Variants in FLG observed in about 807,000 individuals in gnomAD.
FLG encodes the protein epidermal filaggrin.
FLG carries 6 observed loss-of-function variants against 3.8 expected under a neutral mutation model. The observed-to-expected ratio is 1.60, with a 90% CI of 0.87 to 3.15. FLG has a LOEUF of 3.15. Ranked by LOEUF, FLG falls within the 30% of genes most tolerant of loss-of-function variation. The probability of loss-of-function intolerance (pLI) is 0.00; values close to 1 mark genes in which losing one functional copy is unlikely to be tolerated. For missense variants in FLG, 7,595 were observed against 5,050.9 expected (o/e 1.50, Z -15.27); for synonymous variants, 2,551 against 1,931.6 (o/e 1.32, Z -8.41).
Position 152,302,503 on chromosome 1 carries a change from A to G in FLG, c.*197T>C. On this transcript the variant is annotated 3_prime_UTR_variant, in exon 3 of 3. Coordinates refer to ENST00000368799, the MANE Select transcript of FLG (RefSeq NM_002016.2). ...CCATGATATTGATTTCTTCCATTTA[A>G]TATTTCTGAAATATAGCGTTTAAAG... 2 of 684,014 alleles carry G rather than the reference A, an allele frequency of 2.9e-6. No homozygotes were observed. Among genetic ancestry groups the G allele is most frequent in the Non-Finnish European group, 2.4e-6 (1 of 420,524 alleles). 42.4% of individuals were successfully genotyped at this position (684,014 alleles called of 1,614,324 possible). A position where few individuals can be genotyped will look rare whatever the true frequency, so the allele number is the denominator to read the frequency against.
At chr1:152,317,180 C>G (rs531518604) in intron 1 of FLG, among the ~76,000 whole-genome samples, 3 of 152,100 alleles carry the variant, frequency 2.0e-5, no homozygotes, top group Non-Finnish European at 2.9e-5. Context: ...TCTTTGTCTA[C>G]TGGATCATTC....
Position 152,308,218 on chromosome 1 carries a change from G to T in FLG, c.6668C>A (p.Ser2223Ter). ...ASSWADSSRH[S>*]LVGQGQSSGP... The stretch of plus-strand genomic sequence containing the variant: ...TGATGATTGTCCCTGGCCCACCAGT[G>T]AGTGTCTAGAGCTGTCGGCCCAAGA... The change falls in exon 3 of 3, where the codon TCA becomes TAA. Residue 2223 changes from serine to a stop codon, truncating the protein, a stop_gained. Coordinates refer to ENST00000368799, the MANE Select transcript of FLG (RefSeq NM_002016.2). LOFTEE classifies it low-confidence loss of function (END_TRUNC). 6.2e-7 allele frequency: 1 copy of T among 1,614,048 alleles called. No homozygotes were observed.
Position 152,313,173 on chromosome 1 carries a change from T to C in FLG, c.1713A>G (p.Thr571=). Residue 571 remains threonine, a synonymous_variant, in exon 3 of 3, where the codon ACA becomes ACG. Coordinates refer to ENST00000368799, the MANE Select transcript of FLG (RefSeq NM_002016.2). ...QSGSRSASRQ[T]RNEEQSGDGT... ...CGTCTCCTGATTGTTCCTCATTTCG[T>C]GTTTGTCTGCTTGCACTTCTGGATC... 1 of 1,613,778 alleles carries C rather than the reference T, an allele frequency of 6.2e-7. No individual in the cohort carries two copies. Among genetic ancestry groups the C allele is most frequent in the Non-Finnish European group, 8.5e-7 (1 of 1,179,988 alleles).
At position 152,302,632 on chromosome 1, in the gene FLG, G is replaced by T. The variant is rs997951833; in HGVS notation, c.*68C>A. 2.5e-6 allele frequency: 4 copies of T among 1,584,842 alleles called. No individual in the cohort carries two copies. The highest frequency in any genetic ancestry group is 1.7e-4 in the Middle Eastern group (1 of 5,850). ...ATAACTTCCCTGAAAGTATTATGAAGTTTCTTGATTGAAAGTGAACTTGCT... is the reference window on the plus strand; with the variant it reads ...ATAACTTCCCTGAAAGTATTATGAATTTTCTTGATTGAAAGTGAACTTGCT... On this transcript the variant is annotated 3_prime_UTR_variant, in exon 3 of 3. Transcript: ENST00000368799.
chr1:152,322,555 GAT>G lies in FLG; in HGVS notation c.-22+2632_-22+2633del, dbSNP rs561374885. Among the ~76,000 whole-genome samples, 242 of 150,922 alleles carry G rather than the reference GAT, an allele frequency of 1.6e-3. 3 individuals carry two copies. The highest frequency in any genetic ancestry group is 7.5e-3 in the Middle Eastern group (2 of 268). On this transcript the variant is annotated intron_variant, in intron 1 of 2. Transcript: ENST00000368799. ...AATTTTAGGAATAAATCTAATTAAA[GAT>G]ATGAAATGGCTGTACTCAGAATATT...
rs566004487 is a variant in FLG, at chr1:152,304,695, C to T, written c.10191G>A (p.Glu3397=). 6.5e-5 allele frequency: 105 copies of T among 1,613,160 alleles called. 2 individuals are homozygous for T. Among genetic ancestry groups the T allele is most frequent in the Non-Finnish European group, 8.8e-5 (104 of 1,179,812 alleles). Residue 3397 remains glutamate (E), a synonymous_variant, in exon 3 of 3, where the codon GAG becomes GAA. Transcript: ENST00000368799. ...TGGTCCTGGTCCGCCCATGGGCAGACTCAGACTGTTCATGAGTGCTCACCT... is the reference window on the plus strand; with the variant it reads ...TGGTCCTGGTCCGCCCATGGGCAGATTCAGACTGTTCATGAGTGCTCACCT... ...LYQVSTHEQS[E]SAHGRTRTST...
chr1:152,314,142 A>G lies in FLG; in HGVS notation c.744T>C (p.Asp248=), dbSNP rs770542634. The change falls in exon 3 of 3, where the codon GAT becomes GAC. Residue 248 remains aspartate (D), a synonymous_variant. Transcript: ENST00000368799. ...TIQDEAYDTT[D]SLLEENKIYE... Reference sequence around the variant, plus strand: ...ATATTTTGTTTTCTTCTAATAGACTATCAGTGGTGTCATAGGCTTCATCCT... The same window carrying G: ...ATATTTTGTTTTCTTCTAATAGACTGTCAGTGGTGTCATAGGCTTCATCCT... 3 of 1,614,048 alleles carry G rather than the reference A, an allele frequency of 1.9e-6. No homozygotes were observed. The highest frequency in any genetic ancestry group is 2.5e-6 in the Non-Finnish European group (3 of 1,180,020).
rs1557871225 is a variant in FLG at position 152,304,628 on chromosome 1, C to G, written c.10258G>C (p.Asp3420His). The G allele has an allele frequency of 3.7e-6, 6 of 1,612,968 alleles. No homozygotes were observed. Among genetic ancestry groups the G allele is most frequent in the East Asian group, 2.2e-5 (1 of 44,618 alleles). Residue 3420 changes from aspartate (D) to histidine (H), a missense_variant, in exon 3 of 3, where the codon GAC becomes CAC. Transcript: ENST00000368799. ...RQGSHHEQAR[D>H]SSRHSASQEG... is the part of the protein sequence containing the mutation. ...TGGGACGCTGAGTGCCTGGAGCTGT[C>G]TCGTGCCTGCTCGTGGTGGGATCCT...
At position 152,314,184 on chromosome 1, in the gene FLG, G is replaced by A. The variant is rs747212728; in HGVS notation, c.702C>T (p.Ala234=). Residue 234 remains alanine, a synonymous_variant, in exon 3 of 3, where the codon GCC becomes GCT. Coordinates refer to ENST00000368799, the MANE Select transcript of FLG (RefSeq NM_002016.2). ...TQKWIQSGHI[A]TYYTIQDEAY... ...CTTCATCCTGGATTGTGTAATATGT[G>A]GCAATATGGCCTGATTGTATCCATT... 6.8e-6 allele frequency: 11 copies of A among 1,613,998 alleles called. No individual in the cohort carries two copies. In the Middle Eastern group the frequency reaches 6.6e-4, roughly 97 times the overall value.
At position 152,302,916 on chromosome 1, in the gene FLG, C is replaced by A. The variant is rs767409042; in HGVS notation, c.11970G>T (p.Gly3990=). ...CACTTCCGTGCTGAGAGTGTCTAAA[C>A]CCGGATTCACCATAATCATAATCTG... The part of the protein sequence containing the change: ...GSADYDYGES[G]FRHSQHGSVS... Residue 3990 remains glycine (G), a synonymous_variant, in exon 3 of 3, where the codon GGG becomes GGT. Transcript: ENST00000368799. 1 of 1,614,152 alleles carries A rather than the reference C, an allele frequency of 6.2e-7. No homozygotes were observed. Among genetic ancestry groups the A allele is most frequent in the Non-Finnish European group, 8.5e-7 (1 of 1,180,036 alleles).
In FLG at chr1:152,309,919, C is replaced by G. The variant is rs139975241; in HGVS notation, c.4967G>C (p.Arg1656Pro). 6 of 1,614,086 alleles carry G rather than the reference C, an allele frequency of 3.7e-6. No individual in the cohort carries two copies. In the South Asian group the frequency reaches 4.4e-5, roughly 12 times the overall value. ...TCCACCAGAGGAAGTCTCTGCATGA[C>G]GAGTGCCTGATTGTCTGGAGCTCTC... ...SAESSRQSGT[R>P]HAETSSGGQA... The change falls in exon 3 of 3, where the codon CGT (arginine) becomes CCT (proline). Residue 1656 changes from arginine (R) to proline (P), a missense_variant. Physicochemically the swap from Arg to Pro is moderately radical, Grantham distance 103 (BLOSUM62 -2). Transcript: ENST00000368799.
At position 152,311,210 on chromosome 1, in the gene FLG, A is replaced by T. The variant is rs1224414518; in HGVS notation, c.3676T>A (p.Ser1226Thr). The change falls in exon 3 of 3, where the codon TCA becomes ACA. Residue 1226 changes from serine (S) to threonine (T), a missense_variant. Transcript: ENST00000368799. The part of the protein sequence containing the change: ...ASRQTRKDKQ[S>T]GDGSRHSGSR... ...CCTGAGTGCCTGGAGCCGTCTCCTG[A>T]TTGTTTGTCCTTACGAGTTTGTCTG... The T allele has an allele frequency of 4.3e-6, 7 of 1,611,084 alleles. No individual in the cohort carries two copies. Among genetic ancestry groups the T allele is most frequent in the Non-Finnish European group, 5.9e-6 (7 of 1,179,208 alleles).
chr1:152,304,451 G>A lies in FLG; in HGVS notation c.10435C>T (p.Gln3479Ter), dbSNP rs1449012031. The change falls in exon 3 of 3, where the codon CAG (glutamine) becomes TAG (stop). Residue 3479 changes from glutamine (Q) to a stop codon, truncating the protein, a stop_gained. Transcript: ENST00000368799. LOFTEE classifies it low-confidence loss of function (END_TRUNC). ...SQGRSDASRG[Q>*]SGSRSASRQT... Reference sequence around the variant, plus strand: ...CTGCTGGCACTTCTGGATCCTGACTGCCCACGGGAGGCATCAGACCTTCCC... The same window carrying A: ...CTGCTGGCACTTCTGGATCCTGACTACCCACGGGAGGCATCAGACCTTCCC... 3 of 1,612,288 alleles carry A rather than the reference G, an allele frequency of 1.9e-6. No individual in the cohort carries two copies. Among genetic ancestry groups the A allele is most frequent in the East Asian group, 2.2e-5 (1 of 44,602 alleles).
chr1:152,310,830 A>T lies in FLG; in HGVS notation c.4056T>A (p.Ser1352Arg), dbSNP rs34597212. The T allele has an allele frequency of 1.1e-3, 1,739 of 1,611,216 alleles. 6 individuals carry two copies. The highest frequency in any genetic ancestry group is 1.3e-3 in the Non-Finnish European group (1,589 of 1,178,944). The change falls in exon 3 of 3, where the codon AGT becomes AGA. Residue 1352 changes from serine to arginine, a missense_variant. By Grantham distance (110) the Ser-to-Arg change is moderately radical. Coordinates refer to ENST00000368799, the MANE Select transcript of FLG (RefSeq NM_002016.2). The stretch of plus-strand genomic sequence containing the variant: ...GGCGGGATCCATGTCTTTCTCCTGG[A>T]CTTGATCTTGCCTGTTCATGGGATG... Reference protein sequence around the residue: ...AVSSHEQARSSPGERHGSRHQ... With the variant: ...AVSSHEQARSRPGERHGSRHQ...
chr1:152,309,298 C>G lies in FLG; in HGVS notation c.5588G>C (p.Ser1863Thr), dbSNP rs989958262. 3 of 1,613,718 alleles carry G rather than the reference C, an allele frequency of 1.9e-6. No individual in the cohort carries two copies. The highest frequency in any genetic ancestry group is 2.7e-5 in the African/African-American group (2 of 74,816). Residue 1863 changes from serine (S) to threonine (T), a missense_variant, in exon 3 of 3, where the codon AGT becomes ACT. Ser to Thr is a moderately conservative substitution (Grantham distance 58). Coordinates refer to ENST00000368799, the MANE Select transcript of FLG (RefSeq NM_002016.2). ...DVSRGQSGSR[S>T]VSRQTRNEKQ... ...CTCATTACGTGTTTGTCTGCTGACA[C>G]TTCTGGATCCTGACTGCCCACGGGA...
rs781131466 is a variant in FLG, at chr1:152,315,460, T to C, written c.-4A>G. ...TGTTTTCCAGGAGAGTAGACATCTT[T>C]TGGCAATAAATGTGAACCTAGAAAG... On this transcript the variant is annotated 5_prime_UTR_variant, in exon 2 of 3. Coordinates refer to ENST00000368799, the MANE Select transcript of FLG (RefSeq NM_002016.2). 4 of 1,610,560 alleles carry C rather than the reference T, an allele frequency of 2.5e-6. No homozygotes were observed. The highest frequency in any genetic ancestry group is 2.2e-5 in the East Asian group (1 of 44,716).
In FLG at chr1:152,321,686, G is replaced by A. The variant is rs908580212; in HGVS notation, c.-22+3503C>T. Among the ~76,000 whole-genome samples, 9 of 151,064 alleles carry A rather than the reference G, an allele frequency of 6.0e-5. No individual in the cohort carries two copies. The South Asian group carries it at 1.7e-3, about 28-fold the overall frequency. ...AATCTTAAATGCATTCATTTCCAGT[G>A]GGGGAGAAACTGCAGGTCAGATGGC... On this transcript the variant is annotated intron_variant, in intron 1 of 2. Coordinates refer to ENST00000368799, the MANE Select transcript of FLG (RefSeq NM_002016.2).
chr1:152,309,118 T>C lies in FLG; in HGVS notation c.5768A>G (p.Asp1923Gly). 1 of 1,613,828 alleles carries C rather than the reference T, an allele frequency of 6.2e-7. No homozygotes were observed. The highest frequency in any genetic ancestry group is 8.5e-7 in the Non-Finnish European group (1 of 1,179,732). The change falls in exon 3 of 3, where the codon GAC (aspartate) becomes GGC (glycine). Residue 1923 changes from aspartate (D) to glycine (G), a missense_variant. Coordinates refer to ENST00000368799, the MANE Select transcript of FLG (RefSeq NM_002016.2). Reference protein sequence around the residue: ...NQGSSVSQDSDSQGHSEDSER... With the variant: ...NQGSSVSQDSGSQGHSEDSER... Reference sequence around the variant, plus strand: ...AGAGTCTTCTGAGTGTCCCTGACTGTCACTGTCCTGGCTAACACTGGATCC... The same window carrying C: ...AGAGTCTTCTGAGTGTCCCTGACTGCCACTGTCCTGGCTAACACTGGATCC...
chr1:152,302,752 A>G lies in FLG; in HGVS notation c.12134T>C (p.Ile4045Thr), dbSNP rs764336258. 1.2e-6 allele frequency: 2 copies of G among 1,614,142 alleles called. No individual in the cohort carries two copies. Among genetic ancestry groups the G allele is most frequent in the South Asian group, 1.1e-5 (1 of 91,082 alleles). Reference protein sequence around the residue: ...DPGLCGHSSDISKQLGFSQSQ... With the variant: ...DPGLCGHSSDTSKQLGFSQSQ... ...CTGACTAAATCCCAGTTGTTTCGAT[A>G]TATCACTAGAATGGCCACATAAACC... Residue 4045 changes from isoleucine to threonine, a missense_variant, in exon 3 of 3, where the codon ATA becomes ACA. Coordinates refer to ENST00000368799, the MANE Select transcript of FLG (RefSeq NM_002016.2).
Sources: gnomAD v4.1 joint callset for allele counts (sites outside exome capture counted in the v4.1 genomes callset) on GRCh38, gnomAD v4.1.1 for gene constraint, MANE v1.5 for transcripts, NCBI Gene and HGNC (gene_info 2026-07-23, HGNC 2026-07-21) for gene names.